Variants in ATP11B observed in about 807,000 individuals in gnomAD.
ATP11B encodes phospholipid-transporting ATPase IF.
Under a neutral mutation model 157.8 loss-of-function variants are expected in ATP11B, and 81 were observed. That is an observed-to-expected ratio of 0.51 (90% CI 0.43 to 0.62). The LOEUF (loss-of-function observed/expected upper bound fraction) is 0.62. Ranked by LOEUF, ATP11B falls within the 20% of genes least tolerant of loss-of-function variation. ATP11B has a pLI of 0.00. For missense variants in ATP11B, 1,165 were observed against 1,402.2 expected, an observed-to-expected ratio of 0.83 and a Z score of 2.70; for synonymous variants, 451 against 469.4, an observed-to-expected ratio of 0.96 and a Z score of 0.51.
chr3:182,889,231 G>A lies in ATP11B; in HGVS notation c.2844-179G>A, dbSNP rs552093196. Among the ~76,000 whole-genome samples the A allele has an allele frequency of 1.1e-3, 160 of 152,210 alleles. 2 individuals are homozygous for A. The highest frequency in any genetic ancestry group is 3.5e-3 in the African/African-American group (147 of 41,540). On this transcript the variant is annotated intron_variant, in intron 24 of 29. Transcript: ENST00000323116. ...GTGAACTATAAGCTATTAAACAGAT[G>A]TATGATATTATAAGCAGTGGTTTAT...
intron 1 of ATP11B, among the ~76,000 whole-genome samples, chr3:182,805,997 G>T (rs1186506736): frequency 6.6e-6 from 1 of 152,002 alleles, no homozygotes; most frequent in Non-Finnish European, 1.5e-5. Context: ...ACTCATTATT[G>T]TTTCTTGCAT....
chr3:182,879,482 ATT>A lies in ATP11B; in HGVS notation c.2253-11_2253-10del. Reference sequence around the variant, plus strand: ...AAAGTATCTTACAGAGAATATAATTATTTTCTCTTTTAGAATTACAGAGGATC... The same window carrying A: ...AAAGTATCTTACAGAGAATATAATTATTCTCTTTTAGAATTACAGAGGATC... On this transcript the variant is annotated splice_polypyrimidine_tract_variant and intron_variant, in intron 19 of 29. Coordinates refer to ENST00000323116, the MANE Select transcript of ATP11B (RefSeq NM_014616.3). 6.3e-7 allele frequency: 1 copy of A among 1,588,198 alleles called. No homozygotes were observed. Among genetic ancestry groups the A allele is most frequent in the Non-Finnish European group, 8.5e-7 (1 of 1,170,732 alleles).
intron 1 of ATP11B, among the ~76,000 whole-genome samples, chr3:182,798,936 A>G (rs962200937): frequency 1.3e-5 from 2 of 152,274 alleles, no homozygotes; most frequent in Admixed American, 1.3e-4. Flanking sequence ...TGTGGAAACT[A>G]AGAAAATTAA....
intron 1 of ATP11B, among the ~76,000 whole-genome samples, chr3:182,813,081 C>A (rs1054268006): frequency 9.9e-5 from 15 of 152,160 alleles, no homozygotes; most frequent in African/African-American, 3.6e-4. Context: ...TATTTCATTG[C>A]CTGTATAATA....
intron 4 of ATP11B, among the ~76,000 whole-genome samples, chr3:182,831,870 A>G (rs1204653840): frequency 6.6e-6 from 1 of 152,140 alleles, no homozygotes; most frequent in Non-Finnish European, 1.5e-5. Context: ...GTCTAGCTCT[A>G]CGGTGCCAGA....
At chr3:182,830,342 T>A (rs1401841149) in intron 4 of ATP11B, among the ~76,000 whole-genome samples, 13 of 151,664 alleles carry the variant, frequency 8.6e-5, no homozygotes, top group Non-Finnish European at 7.4e-5. Flanking sequence ...AAAAAAAATG[T>A]ATAGTCCTTT....
chr3:182,851,061 G>A (rs899989135), intron 10 of ATP11B, among the ~76,000 whole-genome samples: 13 of 152,206 alleles, frequency 8.5e-5, no homozygotes, highest in African/African-American at 3.1e-4. Flanking sequence ...GGGAGGCTGA[G>A]GTGGGTGGAT....
chr3:182,825,654 C>A (rs1245956683), intron 2 of ATP11B, among the ~76,000 whole-genome samples: 1 of 147,580 alleles, frequency 6.8e-6, no homozygotes, highest in Non-Finnish European at 1.5e-5. Context: ...ACCCAGGAGG[C>A]GGAGCTTGTA....
At chr3:182,890,459 A>G (rs1213699386) in intron 25 of ATP11B, among the ~76,000 whole-genome samples, 1 of 152,236 alleles carries the variant, frequency 6.6e-6, no homozygotes, top group African/African-American at 2.4e-5. Context: ...TAACTTGGTC[A>G]TGGAGCTTAG....
chr3:182,880,929 T>C lies in ATP11B; in HGVS notation c.2457T>C (p.Val819=). The C allele has an allele frequency of 2.5e-6, 4 of 1,605,910 alleles. No homozygotes were observed. The highest frequency in any genetic ancestry group is 3.4e-6 in the Non-Finnish European group (4 of 1,176,774). ...CTGAGAAACCTATAACATTGGCTGT[T>C]GGTGATGGTGCTAATGACGTAAGCA... is the stretch of plus-strand genomic sequence containing the variant. The part of the protein sequence containing the change: ...ISPEKPITLA[V]GDGANDVSMI... The change falls in exon 21 of 30, where the codon GTT becomes GTC. Residue 819 remains valine, a synonymous_variant. Transcript: ENST00000323116.
intron 12 of ATP11B, among the ~76,000 whole-genome samples, chr3:182,861,514 G>A (rs1231222291): frequency 6.6e-6 from 1 of 152,204 alleles, no homozygotes; most frequent in African/African-American, 2.4e-5. Context: ...TGCAACTTAA[G>A]TGTTACTGTG....
chr3:182,879,003 C>T lies in ATP11B; in HGVS notation c.2253-493C>T, dbSNP rs529924668. ...AAATTGAATATTAGGCTGGGCACAGCGGCTCACACCTGTAATCCCAGCACT... is the reference window on the plus strand; with the variant it reads ...AAATTGAATATTAGGCTGGGCACAGTGGCTCACACCTGTAATCCCAGCACT... On this transcript the variant is annotated intron_variant, in intron 19 of 29. Transcript: ENST00000323116. Among the ~76,000 whole-genome samples the T allele has an allele frequency of 5.1e-4, 77 of 152,202 alleles. No homozygotes were observed. The South Asian group carries it at 7.0e-3, about 14-fold the overall frequency.
intron 15 of ATP11B, 135 bp downstream of exon 15, chr3:182,867,579 C>CTTTTTTTT (rs386398716): frequency 5.2e-5 from 8 of 152,818 alleles, no homozygotes; most frequent in South Asian, 1.2e-4. Flanking sequence ...AGTCACATTA[C>CTTTTTTTT]TTTTTTTTTT....
intron 1 of ATP11B, among the ~76,000 whole-genome samples, chr3:182,804,421 GT>G (rs1205820258): frequency 6.6e-6 from 1 of 151,702 alleles, no homozygotes; most frequent in African/African-American, 2.4e-5. Flanking sequence ...AATTTTTTGT[GT>G]TTTTAGCAGA....
intron 13 of ATP11B, 50 bp downstream of exon 13, chr3:182,865,748 C>G (rs745435903): frequency 2.0e-6 from 3 of 1,468,738 alleles, no homozygotes; most frequent in South Asian, 2.7e-5. Flanking sequence ...AAATAATTCT[C>G]TTCAGTAGTT....
At chr3:182,829,276 T>C (rs1267912449) in intron 3 of ATP11B, among the ~76,000 whole-genome samples, 7 of 152,186 alleles carry the variant, frequency 4.6e-5, no homozygotes, top group African/African-American at 1.2e-4. Context: ...AAATCACTTA[T>C]AGAAAAAAAT....
At chr3:182,907,040 C>T (rs1724412057) in intron 28 of ATP11B, among the ~76,000 whole-genome samples, 1 of 150,966 alleles carries the variant, frequency 6.6e-6, no homozygotes, top group Non-Finnish European at 1.5e-5. Context: ...TTGCATTGAG[C>T]TGAGATGGCA....
At chr3:182,834,466 T>C (rs1718387566) in intron 4 of ATP11B, among the ~76,000 whole-genome samples, 1 of 152,188 alleles carries the variant, frequency 6.6e-6, no homozygotes, top group Non-Finnish European at 1.5e-5. Context: ...TATTTGTAAG[T>C]TAGTCCAGAT....
chr3:182,857,662 A>G lies in ATP11B; in HGVS notation c.852-216A>G, dbSNP rs899883070. 6.6e-5 allele frequency among the ~76,000 whole-genome samples: 10 copies of G among 152,264 alleles called. No homozygotes were observed. In the East Asian group the frequency reaches 1.7e-3, roughly 26 times the overall value. Reference sequence around the variant, plus strand: ...TTTAATGGTAACATGGCTATATTAAATAGGCTTGTAACCTGTGTGCACTGG... The same window carrying G: ...TTTAATGGTAACATGGCTATATTAAGTAGGCTTGTAACCTGTGTGCACTGG... On this transcript the variant is annotated intron_variant, in intron 10 of 29. Transcript: ENST00000323116.
Sources: gnomAD v4.1 joint callset for allele counts (sites outside exome capture counted in the v4.1 genomes callset) on GRCh38, gnomAD v4.1.1 for gene constraint, MANE v1.5 for transcripts, NCBI Gene and HGNC (gene_info 2026-07-23, HGNC 2026-07-21) for gene names.